MAP6: variants seen among roughly 807,000 people sequenced by gnomAD.
The protein encoded by MAP6 is microtubule-associated protein 6.
In MAP6, 26 loss-of-function variants were observed where a neutral mutation model predicts 42.4. The observed-to-expected ratio is 0.61, with a 90% confidence interval of 0.45 to 0.85. The LOEUF is 0.85. MAP6 is among the 40% of genes least tolerant of loss of function. MAP6 has a pLI of 0.00. For missense variants in MAP6, 966 were observed against 1,099.0 expected, an observed-to-expected ratio of 0.88 and a Z score of 1.71; for synonymous variants, 418 against 443.8, an observed-to-expected ratio of 0.94 and a Z score of 0.73.
intron 3 of MAP6, chr11:75,605,542 G>A: frequency 3.2e-6 from 4 of 1,258,206 alleles, no homozygotes; most frequent in Non-Finnish European, 4.0e-6. Context: ...CATGCAGTCA[G>A]AGTGCCAGGG....
rs962591154 is a variant in MAP6 at position 75,604,983 on chromosome 11, C to T, written c.1316+825G>A. On this transcript the variant is annotated intron_variant, in intron 3 of 3. Coordinates refer to ENST00000304771, the MANE Select transcript of MAP6 (RefSeq NM_033063.2). ...TACACCTTGAACTTTCTTCCTCAGA[C>T]ATCTCCAACCGGTCGCTCTGCGAAA... 4.1e-6 allele frequency: 4 copies of T among 985,476 alleles called. No homozygotes were observed. The African/African-American group carries it at 7.0e-5, about 17-fold the overall frequency. 61.0% of individuals were successfully genotyped at this position (985,476 alleles called of 1,614,324 possible). A position where few individuals can be genotyped will look rare whatever the true frequency, so the allele number is the denominator to read the frequency against.
chr11:75,588,317 A>G (rs1942404355), intron 3 of MAP6, 133 bp from the exon 4 acceptor site: 1 of 428,424 alleles, frequency 2.3e-6, no homozygotes, highest in Non-Finnish European at 4.1e-6. Flanking sequence ...CCAGGAGAAT[A>G]TGATTTCTGT....
intron 1 of MAP6, among the ~76,000 whole-genome samples, chr11:75,628,763 T>G (rs1590785180): frequency 6.6e-6 from 1 of 152,324 alleles, no homozygotes; most frequent in South Asian, 2.1e-4. Flanking sequence ...GGGGAAGAAC[T>G]TGACCTGGAG....
At chr11:75,630,928 G>A (rs189015648) in intron 1 of MAP6, among the ~76,000 whole-genome samples, 1 of 152,316 alleles carries the variant, frequency 6.6e-6, no homozygotes. Context: ...GTGAAGCCCT[G>A]GAATCTGTAT....
chr11:75,612,760 A>G (rs1267547829), intron 1 of MAP6, among the ~76,000 whole-genome samples: 2 of 152,142 alleles, frequency 1.3e-5, no homozygotes, highest in Non-Finnish European at 2.9e-5. Context: ...CTCTCCTCCT[A>G]TCAGTCTGCC....
chr11:75,660,317 G>C (rs1943821820), intron 1 of MAP6, among the ~76,000 whole-genome samples: 2 of 152,042 alleles, frequency 1.3e-5, no homozygotes, highest in South Asian at 4.1e-4. Flanking sequence ...TACAGCCCAG[G>C]CCTCTCCCTA....
At chr11:75,606,101 G>C in intron 2 of MAP6, 97 bp from the exon 3 acceptor site, 1 of 1,441,384 alleles carries the variant, frequency 6.9e-7, no homozygotes, top group Non-Finnish European at 9.4e-7. Flanking sequence ...AGGAATGACG[G>C]TAATGACAGA....
At chr11:75,608,415 T>A in intron 1 of MAP6, 93 bp from the exon 2 acceptor site, 1 of 965,896 alleles carries the variant, frequency 1.0e-6, no homozygotes, top group East Asian at 2.4e-5. Context: ...AAGCTCTCCA[T>A]CAGTGCTTGC....
intron 1 of MAP6, among the ~76,000 whole-genome samples, chr11:75,641,777 G>A (rs965503972): frequency 2.0e-5 from 3 of 152,142 alleles, no homozygotes; most frequent in Non-Finnish European, 4.4e-5. Flanking sequence ...ATCTTTCCTC[G>A]TTCTGTTCAT....
At chr11:75,665,590 G>C (rs78618449) in intron 1 of MAP6, among the ~76,000 whole-genome samples, 2,080 of 152,284 alleles carry the variant, frequency 0.014, 43 homozygotes, top group African/African-American at 0.048. Context: ...CCAGACGTGG[G>C]CTTCTCAGGG....
chr11:75,629,207 C>G (rs1943244724), intron 1 of MAP6, among the ~76,000 whole-genome samples: 1 of 152,196 alleles, frequency 6.6e-6, no homozygotes. Flanking sequence ...CCTGCCTTAG[C>G]CTCCGAAGTA....
intron 1 of MAP6, among the ~76,000 whole-genome samples, chr11:75,648,498 A>AAAACAAACAAACAAAC (rs145625627): frequency 2.0e-5 from 3 of 151,928 alleles, no homozygotes; most frequent in Admixed American, 6.6e-5. Context: ...ACCCTGTCTA[A>AAAACAAACAAACAAAC]AAACAAACAA....
chr11:75,668,076 G>A lies in MAP6; in HGVS notation c.294C>T (p.Gly98=), dbSNP rs913130402. 6 of 1,221,360 alleles carry A rather than the reference G, an allele frequency of 4.9e-6. No homozygotes were observed. The highest frequency in any genetic ancestry group is 4.4e-5 in the Admixed American group (1 of 22,768). The allele number at this position is 1,221,360 out of a possible 1,614,324, so 75.7% of individuals were successfully genotyped here. A position where few individuals can be genotyped will look rare whatever the true frequency, so the allele number is the denominator to read the frequency against. ...GPTGEREPAA[G]PGRSGPGPGL... is the part of the protein sequence containing the mutation. ...CCGGGCCCGGCCCGCTCCGGCCGGG[G>A]CCCGCCGCCGGCTCGCGCTCGCCGG... The change falls in exon 1 of 4, where the codon GGC becomes GGT. Residue 98 remains glycine, a synonymous_variant. Transcript: ENST00000304771.
intron 1 of MAP6, among the ~76,000 whole-genome samples, chr11:75,662,133 A>G (rs1291107946): frequency 6.6e-6 from 1 of 152,198 alleles, no homozygotes; most frequent in Non-Finnish European, 1.5e-5. Context: ...GAACCCAGAT[A>G]TAATATCTAA....
At chr11:75,636,763 GCCCACTTAGCCTGCTTGC>G (rs1430825366) in intron 1 of MAP6, among the ~76,000 whole-genome samples, 1 of 152,120 alleles carries the variant, frequency 6.6e-6, no homozygotes, top group Non-Finnish European at 1.5e-5. Context: ...CCAATCCTAA[GCCCACTTAGCCTGCTTGC>G]CCCAGCTTAT....
At chr11:75,643,916 A>T (rs1005814384) in intron 1 of MAP6, among the ~76,000 whole-genome samples, 14 of 152,196 alleles carry the variant, frequency 9.2e-5, no homozygotes, top group African/African-American at 3.4e-4. Context: ...GGATGAATAG[A>T]TGGATGATTT....
chr11:75,601,752 C>T (rs1015418341), intron 3 of MAP6, among the ~76,000 whole-genome samples: 4 of 151,862 alleles, frequency 2.6e-5, no homozygotes, highest in African/African-American at 9.7e-5. Context: ...AGCTCTGTCA[C>T]TCTCCAGCCT....
chr11:75,613,151 A>G (rs577187210), intron 1 of MAP6, among the ~76,000 whole-genome samples: 1 of 152,216 alleles, frequency 6.6e-6, no homozygotes, highest in South Asian at 2.1e-4. Context: ...TACATTCTTC[A>G]CAGGATTTAA....
Position 75,594,895 on chromosome 11 carries a change from C to T in MAP6, c.1317-6711G>A, listed in dbSNP as rs1235176004. Among the ~76,000 whole-genome samples, 6 of 152,318 alleles carry T rather than the reference C, an allele frequency of 3.9e-5. No individual in the cohort carries two copies. The South Asian group carries it at 1.0e-3, about 26-fold the overall frequency. ...CAAACATGACGCCACCACCTGGGTACAGGCACCACCTCCAAGCTGGGCCCT... is the reference window on the plus strand; with the variant it reads ...CAAACATGACGCCACCACCTGGGTATAGGCACCACCTCCAAGCTGGGCCCT... On this transcript the variant is annotated intron_variant, in intron 3 of 3. Transcript: ENST00000304771.
Sources: allele counts gnomAD v4.1 joint callset (sites outside exome capture counted in the v4.1 genomes callset), GRCh38; gene constraint gnomAD v4.1.1; transcripts MANE v1.5; gene names NCBI Gene and HGNC (gene_info 2026-07-23, HGNC 2026-07-21).